CACNA1A: variants seen among roughly 807,000 people sequenced by gnomAD.
CACNA1A encodes the protein voltage-dependent P/Q-type calcium channel subunit alpha-1A.
CACNA1A carries 57 observed loss-of-function variants against 262.4 expected under a neutral mutation model. That is an observed-to-expected ratio of 0.22 (90% CI 0.18 to 0.27). CACNA1A has a LOEUF of 0.27. Among genes scored for constraint, CACNA1A ranks in the 10% least tolerant of loss-of-function variants. The pLI is 1.00. For synonymous variants in CACNA1A, 1,431 were observed against 1,419.3 expected, an observed-to-expected ratio of 1.01 and a Z score of -0.18; for missense variants, 2,526 against 3,562.8, an observed-to-expected ratio of 0.71 and a Z score of 7.41.
chr19:13,286,105 G>A (rs948154287), intron 20 of CACNA1A, among the ~76,000 whole-genome samples: 16 of 151,778 alleles, frequency 1.1e-4, no homozygotes, highest in Non-Finnish European at 2.2e-4. Context: ...TTAATGTGGC[G>A]ACTAGAGAGT....
chr19:13,400,255 C>G (rs1298418562), intron 3 of CACNA1A, among the ~76,000 whole-genome samples: 2 of 152,110 alleles, frequency 1.3e-5, no homozygotes, highest in Non-Finnish European at 2.9e-5. Context: ...CCTCCCAAAT[C>G]AACTGATCAT....
Position 13,207,674 on chromosome 19 carries a change from C to T in CACNA1A, c.7160G>A (p.Gly2387Glu), listed in dbSNP as rs1175823781. 2.8e-6 allele frequency: 4 copies of T among 1,431,322 alleles called. No homozygotes were observed. In the East Asian group the frequency reaches 9.2e-5, roughly 33 times the overall value. 88.7% of individuals were successfully genotyped at this position (1,431,322 alleles called of 1,614,324 possible). The part of the protein sequence containing the change: ...SESPRACRHG[G>E]ARWPASGPHV... ...CGGGCCAGATGCCGGCCACCGGGCC[C>T]CGCCGTGTCGACAGGCCCTGGGGGA... Residue 2387 changes from glycine (G) to glutamate (E), a missense_variant, in exon 47 of 47, where the codon GGG becomes GAG. This residue lies in a region of CACNA1A where 929 missense variants were observed against 868.1 expected (regional missense o/e 1.07). Coordinates refer to ENST00000360228, the MANE Select transcript of CACNA1A (RefSeq NM_001127222.2). The surrounding 1 kb of genome is among the most constrained non-coding windows in gnomAD (Gnocchi z 5.7).
At chr19:13,415,000 A>T (rs2060196495) in intron 3 of CACNA1A, among the ~76,000 whole-genome samples, 1 of 151,960 alleles carries the variant, frequency 6.6e-6, no homozygotes, top group African/African-American at 2.4e-5. Context: ...ACAACAGAAG[A>T]GAAGTTCTGA....
chr19:13,240,305 T>C (rs192824104), intron 31 of CACNA1A, among the ~76,000 whole-genome samples: 115 of 150,308 alleles, frequency 7.7e-4, no homozygotes, highest in African/African-American at 2.7e-3. Flanking sequence ...TGTGTGTGTA[T>C]AGCGACTGTG....
rs2054594353 is a variant in CACNA1A at position 13,207,039 on chromosome 19, T to G, written c.*274A>C. On this transcript the variant is annotated 3_prime_UTR_variant, in exon 47 of 47. Coordinates refer to ENST00000360228, the MANE Select transcript of CACNA1A (RefSeq NM_001127222.2). The surrounding 1 kb of genome is among the most constrained non-coding windows in gnomAD (Gnocchi z 5.7). Reference sequence around the variant, plus strand: ...AAATCCCTTGGCTGTGTGGTTTGTCTGCTCCCTGCCTCCCACCCGAGAGCC... The same window carrying G: ...AAATCCCTTGGCTGTGTGGTTTGTCGGCTCCCTGCCTCCCACCCGAGAGCC... The G allele has an allele frequency of 8.9e-6, 2 of 225,322 alleles. No homozygotes were observed. The highest frequency in any genetic ancestry group is 1.7e-5 in the Non-Finnish European group (2 of 116,250). The allele number at this position is 225,322 out of a possible 1,614,324, so 14.0% of individuals were successfully genotyped here. A position where few individuals can be genotyped will look rare whatever the true frequency, so the allele number is the denominator to read the frequency against.
intron 4 of CACNA1A, 194 bp downstream of exon 4, chr19:13,371,494 A>G: frequency 1.7e-6 from 1 of 579,160 alleles, no homozygotes; most frequent in East Asian, 2.8e-5. Context: ...TGTGGCTCCT[A>G]GTTTGCTTTC....
In CACNA1A at chr19:13,462,700, G is replaced by A. The variant is rs552993355; in HGVS notation, c.294-7488C>T. Among the ~76,000 whole-genome samples, 4 of 152,316 alleles carry A rather than the reference G, an allele frequency of 2.6e-5. No individual in the cohort carries two copies. The South Asian group carries it at 8.3e-4, about 32-fold the overall frequency. Reference sequence around the variant, plus strand: ...TTAAACAAATTTTCAAGGTCACATAGGAGGTACTGGCAGAGCTGGGGCTCA... The same window carrying A: ...TTAAACAAATTTTCAAGGTCACATAAGAGGTACTGGCAGAGCTGGGGCTCA... On this transcript the variant is annotated intron_variant, in intron 1 of 46. Transcript: ENST00000360228.
At chr19:13,371,430 CA>C in intron 4 of CACNA1A, 1 of 464,156 alleles carries the variant, frequency 2.2e-6, no homozygotes, top group South Asian at 3.5e-5. Flanking sequence ...TGAATGAGAT[CA>C]CACGTGGTGC....
intron 19 of CACNA1A, among the ~76,000 whole-genome samples, chr19:13,296,257 T>G (rs757356657): frequency 6.6e-6 from 1 of 152,194 alleles, no homozygotes; most frequent in African/African-American, 2.4e-5. Context: ...ACATACACAT[T>G]AGATTTTGAG....
In CACNA1A at chr19:13,286,647, G is replaced by A. The variant is rs199793367; in HGVS notation, c.3409C>T (p.Pro1137Ser). 5 of 1,543,216 alleles carry A rather than the reference G, an allele frequency of 3.2e-6. No homozygotes were observed. Among genetic ancestry groups the A allele is most frequent in the Non-Finnish European group, 4.4e-6 (5 of 1,144,726 alleles). The stretch of plus-strand genomic sequence containing the variant: ...ATAAGGCTATTCTCGGGGGTCTTGG[G>A]GGGGCCGGGATTGGATGGGTTCCCC... Reference protein sequence around the residue: ...NPGNPSNPGPPKTPENSLIVT... With the variant: ...NPGNPSNPGPSKTPENSLIVT... The change falls in exon 20 of 47, where the codon CCC (proline) becomes TCC (serine). Residue 1137 changes from proline (P) to serine (S), a missense_variant. By Grantham distance (74) the Pro-to-Ser change is moderately conservative (BLOSUM62 -1). Coordinates refer to ENST00000360228, the MANE Select transcript of CACNA1A (RefSeq NM_001127222.2).
intron 10 of CACNA1A, among the ~76,000 whole-genome samples, chr19:13,323,455 C>T (rs182178344): frequency 3.5e-4 from 53 of 152,050 alleles, no homozygotes; most frequent in Admixed American, 1.6e-3. Context: ...ATCCTTTGCA[C>T]ATTTTTATTT....
At chr19:13,357,710 T>C (rs1322855685) in intron 6 of CACNA1A, among the ~76,000 whole-genome samples, 2 of 152,180 alleles carry the variant, frequency 1.3e-5, no homozygotes, top group Admixed American at 1.3e-4. Context: ...ATCAAAATTA[T>C]AAATGCATTT....
intron 37 of CACNA1A, 48 bp downstream of exon 37, chr19:13,227,378 GAAGAA>G: frequency 1.3e-6 from 1 of 799,336 alleles, no homozygotes; most frequent in East Asian, 2.7e-5. Flanking sequence ...AGAAGAAGAA[GAAGAA>G]AAAAAAACCC....
chr19:13,353,932 C>T (rs1244771628), intron 6 of CACNA1A, among the ~76,000 whole-genome samples: 1 of 152,142 alleles, frequency 6.6e-6, no homozygotes, highest in African/African-American at 2.4e-5. Context: ...ATTGGGCTTC[C>T]CATAGTACAT....
intron 25 of CACNA1A, 198 bp downstream of exon 25, chr19:13,262,536 A>G: frequency 3.5e-6 from 2 of 565,920 alleles, no homozygotes; most frequent in Non-Finnish European, 3.2e-6. Context: ...CTGCCATAAT[A>G]CACAGATTAT....
At position 13,506,070 on chromosome 19, in the gene CACNA1A, A is replaced by G; in HGVS notation, c.155T>C (p.Met52Thr). Residue 52 changes from methionine to threonine, a missense_variant, in exon 1 of 47, where the codon ATG becomes ACG. Physicochemically the swap from Met to Thr is moderately conservative, Grantham distance 81. Around this residue, in one of 17 missense-constraint regions of CACNA1A, gnomAD observed 77 missense variants for 228.4 expected, o/e 0.34. Transcript: ENST00000360228. Reference sequence around the variant, plus strand: ...TGCCATGGTCCGCGCTCTCTGCGCCATTGACTGCTTGTACATCCTTTGCGC... The same window carrying G: ...TGCCATGGTCCGCGCTCTCTGCGCCGTTGACTGCTTGTACATCCTTTGCGC... ...PGAQRMYKQS[M>T]AQRARTMALY... The G allele has an allele frequency of 6.2e-7, 1 of 1,613,846 alleles. No individual in the cohort carries two copies. The highest frequency in any genetic ancestry group is 8.5e-7 in the Non-Finnish European group (1 of 1,179,844).
chr19:13,446,913 C>T (rs1384932705), intron 3 of CACNA1A, among the ~76,000 whole-genome samples: 1 of 152,070 alleles, frequency 6.6e-6, no homozygotes, highest in Non-Finnish European at 1.5e-5. Flanking sequence ...TTACTTTCCC[C>T]TCCCTGTTCC....
chr19:13,420,835 G>T (rs1302708213), intron 3 of CACNA1A, among the ~76,000 whole-genome samples: 1 of 152,078 alleles, frequency 6.6e-6, no homozygotes, highest in African/African-American at 2.4e-5. Context: ...TATCAGATAG[G>T]TCCTGTTTGA....
At chr19:13,232,485 A>T (rs750748404) in intron 34 of CACNA1A, among the ~76,000 whole-genome samples, 8 of 152,014 alleles carry the variant, frequency 5.3e-5, no homozygotes, top group Non-Finnish European at 8.8e-5. Context: ...TAATCCCAGC[A>T]CTTTGGGAGG....
Sources: gnomAD v4.1 joint callset for allele counts (sites outside exome capture counted in the v4.1 genomes callset) on GRCh38, gnomAD v4.1.1 for gene constraint, gnomAD v4.1.1 regional missense constraint, Gnocchi (gnomAD v3.1) non-coding constraint, MANE v1.5 for transcripts, NCBI Gene and HGNC (gene_info 2026-07-23, HGNC 2026-07-21) for gene names.